SCAPER: variants seen among roughly 807,000 people sequenced by gnomAD.
SCAPER encodes S-phase cyclin A associated protein in the ER.
SCAPER carries 98 observed loss-of-function variants against 182.2 expected under a neutral mutation model. The ratio of observed to expected loss-of-function variants is 0.54; its 90% CI spans 0.46 to 0.64. The LOEUF (loss-of-function observed/expected upper bound fraction) is 0.64. Ranked by LOEUF, SCAPER falls within the 30% of genes least tolerant of loss-of-function variation. The probability of loss-of-function intolerance (pLI) is 0.00; values close to 1 mark genes in which losing one functional copy is unlikely to be tolerated. For missense variants in SCAPER, 1,432 were observed against 1,690.0 expected (o/e 0.85, Z 2.68); for synonymous variants, 605 against 564.6 (o/e 1.07, Z -1.01).
intron 3 of SCAPER, chr15:76,861,969 T>G (rs2071911659): frequency 6.6e-6 from 1 of 152,354 alleles, no homozygotes; most frequent in African/African-American, 2.4e-5. Context: ...AAAGAGCCCC[T>G]TATAAAACCA....
chr15:76,652,673 T>C (rs2055272799), intron 21 of SCAPER, among the ~76,000 whole-genome samples: 1 of 150,804 alleles, frequency 6.6e-6, no homozygotes, highest in Non-Finnish European at 1.5e-5. Context: ...ATCGTACCAT[T>C]GCACTCCAGC....
intron 29 of SCAPER, among the ~76,000 whole-genome samples, chr15:76,363,808 C>T (rs556912812): frequency 6.6e-6 from 1 of 152,166 alleles, no homozygotes; most frequent in Admixed American, 6.5e-5. Context: ...TTCCTCTCCA[C>T]AAAACTGGTC....
At chr15:76,542,548 A>AT (rs533329761) in intron 23 of SCAPER, among the ~76,000 whole-genome samples, 3 of 149,636 alleles carry the variant, frequency 2.0e-5, no homozygotes, top group Admixed American at 2.0e-4. Flanking sequence ...ATAAATAAAT[A>AT]AAAATAAAAT....
chr15:76,379,392 G>A (rs1456011007), intron 28 of SCAPER, among the ~76,000 whole-genome samples: 1 of 152,210 alleles, frequency 6.6e-6, no homozygotes, highest in Non-Finnish European at 1.5e-5. Context: ...AACCAGTCAA[G>A]AAAGGACATT....
chr15:76,735,358 G>C (rs1435964333), intron 15 of SCAPER, among the ~76,000 whole-genome samples: 1 of 152,066 alleles, frequency 6.6e-6, no homozygotes, highest in Non-Finnish European at 1.5e-5. Flanking sequence ...GGGCAACAGA[G>C]TGAGACCCTG....
intron 5 of SCAPER, among the ~76,000 whole-genome samples, chr15:76,804,985 A>T (rs1480177994): frequency 6.6e-6 from 1 of 152,152 alleles, no homozygotes; most frequent in Non-Finnish European, 1.5e-5. Context: ...GAGGCAGGAG[A>T]ATTGCTTAAG....
chr15:76,703,064 A>G, intron 18 of SCAPER, 62 bp from the exon 19 acceptor site: 1 of 1,480,802 alleles, frequency 6.8e-7, no homozygotes, highest in Non-Finnish European at 9.0e-7. Flanking sequence ...GAGAAATTGG[A>G]AAAATAATAT....
chr15:76,776,766 G>A (rs1185371057), intron 8 of SCAPER, among the ~76,000 whole-genome samples: 2 of 152,148 alleles, frequency 1.3e-5, no homozygotes, highest in African/African-American at 2.4e-5. Flanking sequence ...CCGGTAGGAG[G>A]AAAGGAAGTG....
intron 27 of SCAPER, among the ~76,000 whole-genome samples, chr15:76,391,077 A>C (rs1315257056): frequency 6.6e-6 from 1 of 152,096 alleles, no homozygotes; most frequent in Non-Finnish European, 1.5e-5. Context: ...GCCTTTACTT[A>C]TTGACTTCAA....
At chr15:76,428,526 CAGA>C (rs2142450168) in intron 26 of SCAPER, among the ~76,000 whole-genome samples, 1 of 152,070 alleles carries the variant, frequency 6.6e-6, no homozygotes, top group Non-Finnish European at 1.5e-5. Flanking sequence ...AAACCAGGCA[CAGA>C]AGGACAAATA....
At chr15:76,501,311 A>G (rs535195548) in intron 24 of SCAPER, among the ~76,000 whole-genome samples, 3 of 150,678 alleles carry the variant, frequency 2.0e-5, no homozygotes, top group Middle Eastern at 3.4e-3. Flanking sequence ...AAAAAGTTAC[A>G]TTTCCAGAAG....
At chr15:76,476,513 G>C (rs1199128511) in intron 24 of SCAPER, among the ~76,000 whole-genome samples, 1 of 150,312 alleles carries the variant, frequency 6.7e-6, no homozygotes, top group Non-Finnish European at 1.5e-5. Flanking sequence ...AATGCAGCCT[G>C]AAACTCCTAG....
chr15:76,462,148 C>G (rs899539281), intron 25 of SCAPER, among the ~76,000 whole-genome samples: 2 of 152,150 alleles, frequency 1.3e-5, no homozygotes, highest in Non-Finnish European at 2.9e-5. Flanking sequence ...CTATTGAGTT[C>G]TAGCCAGCCC....
chr15:76,622,280 T>G (rs1337874923), intron 21 of SCAPER, among the ~76,000 whole-genome samples: 1 of 152,042 alleles, frequency 6.6e-6, no homozygotes, highest in Non-Finnish European at 1.5e-5. Flanking sequence ...ATTTCTCTTT[T>G]TGGAGAAAAA....
In SCAPER at chr15:76,620,377, A is replaced by G. The variant is rs140562812; in HGVS notation, c.2711+1387T>C. On this transcript the variant is annotated intron_variant, in intron 22 of 31. Coordinates refer to ENST00000563290, the MANE Select transcript of SCAPER (RefSeq NM_020843.4). ...AATTTGGTAATCCACCATCCTACTG[A>G]ATTGATTTCTCTTGTTGCTTCTACT... 1.4e-3 allele frequency among the ~76,000 whole-genome samples: 220 copies of G among 152,246 alleles called. 2 individuals are homozygous for G. Among genetic ancestry groups the G allele is most frequent in the African/African-American group, 4.8e-3 (199 of 41,558 alleles).
At chr15:76,680,947 T>C (rs887329325) in intron 20 of SCAPER, among the ~76,000 whole-genome samples, 5 of 152,184 alleles carry the variant, frequency 3.3e-5, no homozygotes, top group African/African-American at 1.2e-4. Flanking sequence ...GAAGACTACA[T>C]GAAGACAAAC....
chr15:76,802,635 C>CT (rs1487195755), intron 6 of SCAPER, among the ~76,000 whole-genome samples: 1 of 152,192 alleles, frequency 6.6e-6, no homozygotes, highest in Non-Finnish European at 1.5e-5. Context: ...TCCAGCCCTT[C>CT]TGGATTTCTC....
At chr15:76,748,115 G>A (rs1484906801) in intron 15 of SCAPER, among the ~76,000 whole-genome samples, 5 of 151,284 alleles carry the variant, frequency 3.3e-5, no homozygotes, top group South Asian at 4.2e-4. Context: ...CTCAGCCTCC[G>A]GAGTAGCTGG....
At chr15:76,616,014 A>T (rs2051449944) in intron 22 of SCAPER, among the ~76,000 whole-genome samples, 1 of 152,132 alleles carries the variant, frequency 6.6e-6, no homozygotes, top group Non-Finnish European at 1.5e-5. Flanking sequence ...TCTTGTGCAG[A>T]GCTGGTGAGA....
Sources: allele counts gnomAD v4.1 joint callset (sites outside exome capture counted in the v4.1 genomes callset), GRCh38; gene constraint gnomAD v4.1.1; transcripts MANE v1.5; gene names NCBI Gene and HGNC (gene_info 2026-07-23, HGNC 2026-07-21).